The following PGR variants were observed in gnomAD, a reference collection of about 807,000 sequenced individuals.
The protein encoded by PGR is nuclear receptor subfamily 3 group C member 3.
Under a neutral mutation model 76.1 loss-of-function variants are expected in PGR, and 25 were observed. The observed-to-expected ratio is 0.33, with a 90% CI of 0.24 to 0.46. The LOEUF (loss-of-function observed/expected upper bound fraction) is 0.46. Among genes scored for constraint, PGR ranks in the 20% least tolerant of loss-of-function variants. The pLI, the probability that PGR is intolerant of heterozygous loss-of-function variation, is 1.00. For missense variants in PGR, 1,172 were observed against 1,225.3 expected, an observed-to-expected ratio of 0.96 and a Z score of 0.65; for synonymous variants, 579 against 535.0, an observed-to-expected ratio of 1.08 and a Z score of -1.14.
chr11:101,040,128 A>T (rs1300707723), intron 7 of PGR, among the ~76,000 whole-genome samples: 2 of 151,984 alleles, frequency 1.3e-5, no homozygotes, highest in Non-Finnish European at 2.9e-5. Context: ...TTTATTTTGC[A>T]AAAGTGAATC....
chr11:101,064,234 G>A (rs1408050143), intron 3 of PGR, among the ~76,000 whole-genome samples: 1 of 149,022 alleles, frequency 6.7e-6, no homozygotes, highest in African/African-American at 2.5e-5. Flanking sequence ...CAGAGGCTGA[G>A]GCAGGAAAAT....
At chr11:101,099,772 A>G (rs929775808) in intron 2 of PGR, among the ~76,000 whole-genome samples, 2 of 146,820 alleles carry the variant, frequency 1.4e-5, no homozygotes, top group Non-Finnish European at 3.0e-5. Flanking sequence ...CCACTAGAGG[A>G]AGAGCAGCCT....
At position 101,037,031 on chromosome 11, in the gene PGR, G is replaced by A. The variant is rs35963765; in HGVS notation, c.*2085C>T. 1.1e-3 allele frequency: 219 copies of A among 194,422 alleles called. No individual in the cohort carries two copies. Among genetic ancestry groups the A allele is most frequent in the Non-Finnish European group, 1.6e-3 (152 of 93,328 alleles). The allele number at this position is 194,422 out of a possible 1,614,324, so 12.0% of individuals were successfully genotyped here. On this transcript the variant is annotated 3_prime_UTR_variant, in exon 8 of 8. Transcript: ENST00000325455. ...TTGTGTCACACAGTTCATTCTGAGA[G>A]GTGTCACTCTCACAGAGGTAGATTT...
chr11:101,051,872 G>A (rs921380188), intron 4 of PGR, among the ~76,000 whole-genome samples: 1 of 152,012 alleles, frequency 6.6e-6, no homozygotes, highest in African/African-American at 2.4e-5. Flanking sequence ...TGGGTGCCAG[G>A]CACTGTATAA....
intron 3 of PGR, among the ~76,000 whole-genome samples, chr11:101,091,108 A>C (rs1049721548): frequency 4.6e-5 from 7 of 152,218 alleles, no homozygotes; most frequent in Admixed American, 1.3e-4. Context: ...GGTGTCTTGC[A>C]TAACTGTGGC....
At position 101,062,646 on chromosome 11, in the gene PGR, CTGGCTTAGGGCT is replaced by C. The variant is rs1432269573; in HGVS notation, c.2001_2012del (p.Ala668_Gln671del). 6.2e-7 allele frequency: 1 copy of C among 1,614,004 alleles called. No homozygotes were observed. The highest frequency in any genetic ancestry group is 1.1e-5 in the South Asian group (1 of 91,082). On this transcript the variant is annotated inframe_deletion, in exon 4 of 8. Coordinates refer to ENST00000325455, the MANE Select transcript of PGR (RefSeq NM_000926.4). The stretch of plus-strand genomic sequence containing the variant: ...CTTGACCTGGTGAAAAAGTGAATCT[CTGGCTTAGGGCT>C]TGGCTTTCATTTGGAACGCCCACTG...
At position 101,128,966 on chromosome 11, in the gene PGR, C is replaced by T. The variant is rs1303576732; in HGVS notation, c.105G>A (p.Pro35=). 6.2e-7 allele frequency: 1 copy of T among 1,603,932 alleles called. No homozygotes were observed. Among genetic ancestry groups the T allele is most frequent in the African/African-American group, 1.3e-5 (1 of 74,790 alleles). ...SPLLCRPAAG[P]FPGSQTSDTL... ...TGTCCGAGGTCTGGCTCCCCGGGAA[C>T]GGACCTGCGGCTGGGCGACACAGCA... The change falls in exon 1 of 8, where the codon CCG becomes CCA. Residue 35 remains proline, a synonymous_variant. Transcript: ENST00000325455.
chr11:101,104,708 C>A (rs1013511368), intron 2 of PGR, among the ~76,000 whole-genome samples: 1 of 152,132 alleles, frequency 6.6e-6, no homozygotes, highest in Admixed American at 6.6e-5. Flanking sequence ...CTGGTTGTTT[C>A]CTTATGACAC....
chr11:101,105,364 A>G (rs781183531), intron 2 of PGR, among the ~76,000 whole-genome samples: 1 of 152,184 alleles, frequency 6.6e-6, no homozygotes, highest in Admixed American at 6.5e-5. Flanking sequence ...GACCACTGCA[A>G]TACATCCGAA....
chr11:101,058,859 C>A (rs951133711), intron 4 of PGR, among the ~76,000 whole-genome samples: 5 of 152,112 alleles, frequency 3.3e-5, no homozygotes, highest in South Asian at 4.1e-4. Flanking sequence ...AAATAAATTT[C>A]TTTTCAATGG....
At chr11:101,070,823 C>A (rs1245618707) in intron 3 of PGR, among the ~76,000 whole-genome samples, 1 of 152,222 alleles carries the variant, frequency 6.6e-6, no homozygotes, top group Non-Finnish European at 1.5e-5. Flanking sequence ...CAGCCCCAGT[C>A]AGGGGCTTAT....
chr11:101,062,360 T>C, intron 4 of PGR, 87 bp downstream of exon 4: 2 of 981,858 alleles, frequency 2.0e-6, no homozygotes, highest in South Asian at 1.3e-5. Flanking sequence ...GTTAATTTAC[T>C]GCATAGAGTG....
At chr11:101,097,414 C>T (rs1861867543) in intron 2 of PGR, among the ~76,000 whole-genome samples, 1 of 152,186 alleles carries the variant, frequency 6.6e-6, no homozygotes, top group Non-Finnish European at 1.5e-5. Context: ...ACCAACTGCA[C>T]ATTCAATGTA....
At chr11:101,070,058 G>A (rs370516631) in intron 3 of PGR, among the ~76,000 whole-genome samples, 8 of 147,112 alleles carry the variant, frequency 5.4e-5, no homozygotes, top group African/African-American at 1.8e-4. Context: ...GAATAGCTCC[G>A]GTCTGTAGCT....
chr11:101,121,169 A>C (rs1486497087), intron 2 of PGR, among the ~76,000 whole-genome samples: 2 of 152,198 alleles, frequency 1.3e-5, no homozygotes, highest in Non-Finnish European at 2.9e-5. Context: ...GAATTACTAC[A>C]TATTTATTTT....
At chr11:101,102,338 A>G (rs1032576189) in intron 2 of PGR, among the ~76,000 whole-genome samples, 10 of 152,242 alleles carry the variant, frequency 6.6e-5, no homozygotes, top group Non-Finnish European at 1.0e-4. Flanking sequence ...TAGGACATGA[A>G]TTTTGGAGCC....
At chr11:101,065,795 G>A (rs907008846) in intron 3 of PGR, among the ~76,000 whole-genome samples, 2 of 151,954 alleles carry the variant, frequency 1.3e-5, no homozygotes, top group Non-Finnish European at 2.9e-5. Flanking sequence ...AGCAAGGGGG[G>A]ATAAGAAAGC....
intron 3 of PGR, among the ~76,000 whole-genome samples, chr11:101,064,795 T>C (rs1860655914): frequency 6.6e-6 from 1 of 152,238 alleles, no homozygotes; most frequent in African/African-American, 2.4e-5. Flanking sequence ...CACTACATAA[T>C]ATTGTTTCAG....
At chr11:101,125,401 T>C (rs576087848) in intron 2 of PGR, among the ~76,000 whole-genome samples, 1 of 152,308 alleles carries the variant, frequency 6.6e-6, no homozygotes, top group Non-Finnish European at 1.5e-5. Flanking sequence ...AGGTTTTTTA[T>C]TTTAAACTGT....
Sources: allele counts gnomAD v4.1 joint callset (sites outside exome capture counted in the v4.1 genomes callset), GRCh38; gene constraint gnomAD v4.1.1; transcripts MANE v1.5; gene names NCBI Gene and HGNC (gene_info 2026-07-23, HGNC 2026-07-21).